Variants in ACACB observed in about 807,000 individuals in gnomAD.
ACACB encodes the protein acetyl-CoA carboxylase 2.
In ACACB, 209 loss-of-function variants were observed where a neutral mutation model predicts 278.8. The ratio of observed to expected loss-of-function variants is 0.75; its 90% CI spans 0.67 to 0.84. ACACB has a LOEUF of 0.84. Among genes scored for constraint, ACACB ranks in the 40% least tolerant of loss-of-function variants. ACACB has a pLI of 0.00. For missense variants in ACACB, 2,850 were observed against 3,269.0 expected (o/e 0.87, Z 3.13); for synonymous variants, 1,174 against 1,285.6 (o/e 0.91, Z 1.86).
rs1299837600 is a variant in ACACB, at chr12:109,253,022, G to A, written c.5909G>A (p.Gly1970Glu). The A allele has an allele frequency of 6.2e-7, 1 of 1,606,980 alleles. No homozygotes were observed. Among genetic ancestry groups the A allele is most frequent in the East Asian group, 2.2e-5 (1 of 44,822 alleles). The change falls in exon 43 of 53, where the codon GGA (glycine) becomes GAA (glutamate). Residue 1970 changes from glycine to glutamate, a missense_variant. Around this residue, in one of 3 missense-constraint regions of ACACB, gnomAD observed 579 missense variants for 684.6 expected, o/e 0.85. Coordinates refer to ENST00000338432, the MANE Select transcript of ACACB (RefSeq NM_001093.4). ...TGASALNKVL[G>E]REVYTSNNQL... ...CATGTTGTGTCAAAGCAGGTCCTGGGAAGAGAGGTCTACACATCCAACAAC... is the reference window on the plus strand; with the variant it reads ...CATGTTGTGTCAAAGCAGGTCCTGGAAAGAGAGGTCTACACATCCAACAAC...
chr12:109,259,022 C>T lies in ACACB; in HGVS notation c.6410C>T (p.Thr2137Ile), dbSNP rs755503238. ...QVWFPDSAYK[T>I]AQAVKDFNRE... is the part of the protein sequence containing the mutation. ...TGGTTCCCAGACTCAGCCTACAAAA[C>T]CGCCCAGGCCGTCAAGGACTTCAAC... is the stretch of plus-strand genomic sequence containing the variant. The change falls in exon 47 of 53, where the codon ACC (threonine) becomes ATC (isoleucine). Residue 2137 changes from threonine to isoleucine, a missense_variant. By Grantham distance (89) the Thr-to-Ile change is moderately conservative (BLOSUM62 -1). This residue lies in a region of ACACB where 579 missense variants were observed against 684.6 expected (regional missense o/e 0.85). Transcript: ENST00000338432. 1.2e-5 allele frequency: 19 copies of T among 1,614,058 alleles called. No homozygotes were observed. In the African/African-American group the frequency reaches 2.1e-4, roughly 18 times the overall value.
At chr12:109,204,260 C>A (rs982307281) in intron 19 of ACACB, among the ~76,000 whole-genome samples, 23 of 142,062 alleles carry the variant, frequency 1.6e-4, no homozygotes, top group African/African-American at 4.9e-4. Flanking sequence ...GTTGTGCTAT[C>A]AATACTATAT....
Position 109,258,260 on chromosome 12 carries a change from T to C in ACACB, c.6264-8T>C, listed in dbSNP as rs1053631692. ...CCAGGGCCTGGCTCACTGGTGCTCATTTTCCAGGCTTGGGGGGATTCCCGT... is the reference window on the plus strand; with the variant it reads ...CCAGGGCCTGGCTCACTGGTGCTCACTTTCCAGGCTTGGGGGGATTCCCGT... On this transcript the variant is annotated splice_region_variant and splice_polypyrimidine_tract_variant and intron_variant, in intron 45 of 52. Coordinates refer to ENST00000338432, the MANE Select transcript of ACACB (RefSeq NM_001093.4). 1 of 1,609,802 alleles carries C rather than the reference T, an allele frequency of 6.2e-7. No homozygotes were observed. Among genetic ancestry groups the C allele is most frequent in the African/African-American group, 1.3e-5 (1 of 75,012 alleles).
Position 109,139,661 on chromosome 12 carries a change from G to A in ACACB, c.256G>A (p.Gly86Ser), listed in dbSNP as rs371386144. Residue 86 changes from glycine (G) to serine (S), a missense_variant, in exon 2 of 53, where the codon GGT becomes AGT. Physicochemically the swap from Gly to Ser is moderately conservative, Grantham distance 56. Around this residue, in one of 3 missense-constraint regions of ACACB, gnomAD observed 2,265 missense variants for 2,561.3 expected, o/e 0.88. Transcript: ENST00000338432. ...CTCCCACAAAGGCCCCAAAGATGCCGGTCGGCGGAGAAACTCCCTACCACC... is the reference window on the plus strand; with the variant it reads ...CTCCCACAAAGGCCCCAAAGATGCCAGTCGGCGGAGAAACTCCCTACCACC... ...PASHKGPKDA[G>S]RRRNSLPPSH... 7.0e-5 allele frequency: 113 copies of A among 1,613,906 alleles called. No homozygotes were observed. Among genetic ancestry groups the A allele is most frequent in the Non-Finnish European group, 9.1e-5 (107 of 1,179,972 alleles).
At position 109,168,044 on chromosome 12, in the gene ACACB, C is replaced by A; in HGVS notation, c.925+10C>A. ...CTTAAGGCCAACGCAGGTACCTGGGCCTTGACCCTCTCCTCCCATCACGCT... is the reference window on the plus strand; with the variant it reads ...CTTAAGGCCAACGCAGGTACCTGGGACTTGACCCTCTCCTCCCATCACGCT... On this transcript the variant is annotated intron_variant, in intron 4 of 52. Transcript: ENST00000338432. 1 of 1,597,688 alleles carries A rather than the reference C, an allele frequency of 6.3e-7. No homozygotes were observed. The highest frequency in any genetic ancestry group is 2.3e-5 in the East Asian group (1 of 44,160).
At chr12:109,153,947 C>G (rs1298771843) in intron 2 of ACACB, among the ~76,000 whole-genome samples, 1 of 152,208 alleles carries the variant, frequency 6.6e-6, no homozygotes, top group Non-Finnish European at 1.5e-5. Flanking sequence ...CATGAGCTAC[C>G]AGGCCCGGCC....
chr12:109,163,672 T>C (rs956911475), intron 2 of ACACB, among the ~76,000 whole-genome samples: 1 of 152,132 alleles, frequency 6.6e-6, no homozygotes, highest in Admixed American at 6.6e-5. Context: ...TTGTTTGAGA[T>C]GGAGTCTCAC....
At chr12:109,116,898 C>A (rs899506817) in intron 1 of ACACB, among the ~76,000 whole-genome samples, 194 bp downstream of exon 1, 1 of 152,060 alleles carries the variant, frequency 6.6e-6, no homozygotes, top group Non-Finnish European at 1.5e-5. Flanking sequence ...AAGAGAAGGG[C>A]CTTTCTTTGC....
chr12:109,133,526 T>A (rs1474220633), intron 1 of ACACB, among the ~76,000 whole-genome samples: 58 of 152,170 alleles, frequency 3.8e-4, no homozygotes, highest in Non-Finnish European at 4.4e-5. Context: ...CCACCGTGCC[T>A]GGCCTTGATG....
chr12:109,233,408 C>T (rs76098559), intron 29 of ACACB, among the ~76,000 whole-genome samples: 10 of 152,178 alleles, frequency 6.6e-5, no homozygotes, highest in Non-Finnish European at 8.8e-5. Context: ...TTCTTTGACT[C>T]GGGGTGAGGT....
intron 19 of ACACB, among the ~76,000 whole-genome samples, chr12:109,204,271 CTTTTTTTTTTT>C (rs58720572): frequency 2.1e-5 from 2 of 93,142 alleles, no homozygotes. Context: ...AATACTATAT[CTTTTTTTTTTT>C]TTTTTTTTTG....
In ACACB at chr12:109,235,340, C is replaced by T. The variant is rs759365037; in HGVS notation, c.4375C>T (p.Arg1459Ter). ...KKNILVDYGL[R>*]RITFLIAQEK... Reference sequence around the variant, plus strand: ...AAATATCCTTGTGGATTATGGACTCCGACGAATCACATTCTTGATTGCCCA... The same window carrying T: ...AAATATCCTTGTGGATTATGGACTCTGACGAATCACATTCTTGATTGCCCA... Residue 1459 changes from arginine (R) to a stop codon, truncating the protein, a stop_gained, in exon 32 of 53, where the codon CGA becomes TGA. Coordinates refer to ENST00000338432, the MANE Select transcript of ACACB (RefSeq NM_001093.4). LOFTEE classifies it high-confidence loss of function. The T allele has an allele frequency of 2.9e-5, 46 of 1,613,946 alleles. No homozygotes were observed. The highest frequency in any genetic ancestry group is 3.6e-5 in the Non-Finnish European group (43 of 1,180,008).
At chr12:109,211,561 T>C (rs967912605) in intron 21 of ACACB, among the ~76,000 whole-genome samples, 1 of 152,114 alleles carries the variant, frequency 6.6e-6, no homozygotes, top group Non-Finnish European at 1.5e-5. Flanking sequence ...CCCTGTGTGA[T>C]TCCAATTTTA....
chr12:109,168,968 C>T (rs969073777), intron 4 of ACACB, among the ~76,000 whole-genome samples: 1 of 151,994 alleles, frequency 6.6e-6, no homozygotes, highest in East Asian at 1.9e-4. Context: ...GGTGGAACCC[C>T]ATCTCTACTA....
intron 5 of ACACB, among the ~76,000 whole-genome samples, 159 bp downstream of exon 5, chr12:109,172,073 C>T (rs2044136305): frequency 6.6e-6 from 1 of 152,096 alleles, no homozygotes; most frequent in Non-Finnish European, 1.5e-5. Context: ...TCAAGTGAGG[C>T]GAAGCACATT....
chr12:109,216,619 T>C lies in ACACB; in HGVS notation c.3352T>C (p.Tyr1118His). ...AGAGCAGCCTTCCCTTCTCCCCAGA[T>C]ACCGCAGCGGGATCCGCGGCTATAT... is the stretch of plus-strand genomic sequence containing the variant. ...TQSIVQLVQR[Y>H]RSGIRGYMKT... Residue 1118 changes from tyrosine (Y) to histidine (H), a missense_variant and splice_region_variant, in exon 23 of 53, where the codon TAC (tyrosine) becomes CAC (histidine). Transcript: ENST00000338432. The C allele has an allele frequency of 6.2e-7, 1 of 1,614,128 alleles. No homozygotes were observed. Among genetic ancestry groups the C allele is most frequent in the Non-Finnish European group, 8.5e-7 (1 of 1,179,986 alleles).
At chr12:109,156,656 C>G (rs2043550113) in intron 2 of ACACB, among the ~76,000 whole-genome samples, 1 of 147,424 alleles carries the variant, frequency 6.8e-6, no homozygotes, top group Non-Finnish European at 1.5e-5. Flanking sequence ...GTAGCTGAAT[C>G]TCTGCCTCCA....
Position 109,242,596 on chromosome 12 carries a change from A to G in ACACB, c.5178+4A>G. 6.2e-7 allele frequency: 1 copy of G among 1,614,010 alleles called. No individual in the cohort carries two copies. Among genetic ancestry groups the G allele is most frequent in the Non-Finnish European group, 8.5e-7 (1 of 1,179,900 alleles). On this transcript the variant is annotated splice_donor_region_variant and intron_variant, in intron 37 of 52. Coordinates refer to ENST00000338432, the MANE Select transcript of ACACB (RefSeq NM_001093.4). ...CTTCCCGGAAATGTTCAGGCAGGCA[A>G]GTCCGGCGGCTCAGACGCGGTACCC... is the stretch of plus-strand genomic sequence containing the variant.
intron 1 of ACACB, among the ~76,000 whole-genome samples, chr12:109,135,319 C>G (rs1034143533): frequency 1.3e-5 from 2 of 152,022 alleles, no homozygotes; most frequent in Non-Finnish European, 2.9e-5. Flanking sequence ...ATTTGTATAT[C>G]TTCATTGGAG....
Sources: gnomAD v4.1 joint callset for allele counts (sites outside exome capture counted in the v4.1 genomes callset) on GRCh38, gnomAD v4.1.1 for gene constraint, gnomAD v4.1.1 regional missense constraint, MANE v1.5 for transcripts, NCBI Gene and HGNC (gene_info 2026-07-23, HGNC 2026-07-21) for gene names.